CDH4: variants seen among roughly 807,000 people sequenced by gnomAD.
CDH4 encodes the protein cadherin 4.
In CDH4, 33 loss-of-function variants were observed where a neutral mutation model predicts 86.0. The observed-to-expected ratio is 0.38, with a 90% CI of 0.29 to 0.51. CDH4 has a LOEUF of 0.51. Among genes scored for constraint, CDH4 ranks in the 20% least tolerant of loss-of-function variants. The pLI is 0.86. For missense variants in CDH4, 1,114 were observed against 1,307.4 expected (o/e 0.85, Z 2.28); for synonymous variants, 555 against 549.4 (o/e 1.01, Z -0.14).
At chr20:61,936,100 G>A (rs941651546) in intron 15 of CDH4, among the ~76,000 whole-genome samples, 11 of 151,994 alleles carry the variant, frequency 7.2e-5, no homozygotes, top group Non-Finnish European at 1.0e-4. Flanking sequence ...AAGCTTGTCC[G>A]TGGGAGTGCC....
intron 2 of CDH4, among the ~76,000 whole-genome samples, chr20:61,557,973 G>T (rs1341942308): frequency 1.3e-5 from 2 of 152,134 alleles, no homozygotes; most frequent in Non-Finnish European, 2.9e-5. Flanking sequence ...ACAATAAAAT[G>T]GTTCTTGTAG....
chr20:61,811,353 C>G lies in CDH4; in HGVS notation c.577-33315C>G, dbSNP rs1980426631. Among the ~76,000 whole-genome samples the G allele has an allele frequency of 6.6e-6, 1 of 152,220 alleles. No homozygotes were observed. Among genetic ancestry groups the G allele is most frequent in the Admixed American group, 6.5e-5 (1 of 15,288 alleles). ...GTGGGAATGAAATGCCCCTTCCCGG[C>G]TTACACAGACACAGCCCAGGAGAAA... is the stretch of plus-strand genomic sequence containing the variant. On this transcript the variant is annotated intron_variant, in intron 4 of 15. Coordinates refer to ENST00000614565, the MANE Select transcript of CDH4 (RefSeq NM_001794.5). This position sits in a 1 kb window ranked among gnomAD's most constrained non-coding sequence, Gnocchi z 4.4.
At chr20:61,699,868 A>G (rs1482466984) in intron 2 of CDH4, among the ~76,000 whole-genome samples, 1 of 152,220 alleles carries the variant, frequency 6.6e-6, no homozygotes, top group Non-Finnish European at 1.5e-5. Flanking sequence ...CCAAGGGCTC[A>G]GCTGCATGGG....
chr20:61,648,306 G>A (rs1005908433), intron 2 of CDH4, among the ~76,000 whole-genome samples: 9 of 152,182 alleles, frequency 5.9e-5, no homozygotes, highest in African/African-American at 2.2e-4. Context: ...GGTTGGAGAG[G>A]CACCCGCAGC....
intron 4 of CDH4, among the ~76,000 whole-genome samples, chr20:61,784,608 A>G (rs1427357532): frequency 1.4e-5 from 1 of 71,522 alleles, no homozygotes; most frequent in African/African-American, 6.5e-5. Context: ...AGGCCCTCCG[A>G]TATCCTGTGC....
At chr20:61,636,749 C>T (rs1053384457) in intron 2 of CDH4, among the ~76,000 whole-genome samples, 3 of 152,348 alleles carry the variant, frequency 2.0e-5, no homozygotes, top group Non-Finnish European at 2.9e-5. Flanking sequence ...ACTCCTGAGT[C>T]GCTCCGTCAC....
intron 4 of CDH4, among the ~76,000 whole-genome samples, chr20:61,819,377 C>T (rs1385272213): frequency 6.6e-6 from 1 of 150,936 alleles, no homozygotes; most frequent in Non-Finnish European, 1.5e-5. Flanking sequence ...ACGCGTCGCT[C>T]GCTCTGCCCC....
At chr20:61,376,653 T>A (rs1236689205) in intron 2 of CDH4, among the ~76,000 whole-genome samples, 2 of 152,170 alleles carry the variant, frequency 1.3e-5, no homozygotes, top group Non-Finnish European at 2.9e-5. Flanking sequence ...TTCTCCCCCA[T>A]GGCATATGGT....
intron 2 of CDH4, among the ~76,000 whole-genome samples, chr20:61,430,687 CCTT>C (rs1439999785): frequency 6.6e-6 from 1 of 152,210 alleles, no homozygotes; most frequent in Non-Finnish European, 1.5e-5. Context: ...CTGCTTCCCT[CCTT>C]ATTACCTGCT....
chr20:61,698,129 C>A (rs547375667), intron 2 of CDH4, among the ~76,000 whole-genome samples: 1 of 152,228 alleles, frequency 6.6e-6, no homozygotes, highest in Admixed American at 6.5e-5. Flanking sequence ...AGACCTGGCA[C>A]GTGTCGTCCA....
intron 6 of CDH4, among the ~76,000 whole-genome samples, chr20:61,861,536 G>A (rs1340975667): frequency 3.3e-5 from 5 of 151,948 alleles, no homozygotes; most frequent in Admixed American, 1.3e-4. Flanking sequence ...CCCCTTCCCC[G>A]CCTGTGCGTT....
intron 2 of CDH4, among the ~76,000 whole-genome samples, chr20:61,613,496 A>G (rs944257777): frequency 2.0e-5 from 3 of 151,488 alleles, no homozygotes; most frequent in Non-Finnish European, 4.4e-5. Flanking sequence ...CTTTTCTTCT[A>G]TCACCTCCAC....
At position 61,772,241 on chromosome 20, in the gene CDH4, C is replaced by T. The variant is rs561610599; in HGVS notation, c.397-762C>T. ...TTTTGTACATACACACAGGTGGGGTCCAAGGCCAAATCCCACACCCTCAGC... is the reference window on the plus strand; with the variant it reads ...TTTTGTACATACACACAGGTGGGGTTCAAGGCCAAATCCCACACCCTCAGC... On this transcript the variant is annotated intron_variant, in intron 3 of 15. Transcript: ENST00000614565. Among the ~76,000 whole-genome samples the T allele has an allele frequency of 4.1e-4, 62 of 152,304 alleles. 1 individual carries two copies. Among genetic ancestry groups the T allele is most frequent in the Admixed American group, 3.7e-3 (57 of 15,308 alleles).
At chr20:61,770,751 C>T (rs2023282) in intron 3 of CDH4, among the ~76,000 whole-genome samples, 59,934 of 151,716 alleles carry the variant, frequency 0.4, 13,249 homozygotes, top group East Asian at 0.85. Context: ...GGCGTGGTGG[C>T]GGGCGCCTGT....
intron 2 of CDH4, among the ~76,000 whole-genome samples, chr20:61,391,318 G>A (rs1036808323): frequency 1.4e-4 from 21 of 152,142 alleles, no homozygotes; most frequent in African/African-American, 4.6e-4. Flanking sequence ...GGCTGGGTCC[G>A]GACTTGCTAA....
At chr20:61,897,720 A>G (rs1004588460) in intron 8 of CDH4, among the ~76,000 whole-genome samples, 2 of 152,328 alleles carry the variant, frequency 1.3e-5, no homozygotes, top group African/African-American at 4.8e-5. Flanking sequence ...CCAATGGCTA[A>G]GCACAGGCTA....
intron 3 of CDH4, among the ~76,000 whole-genome samples, chr20:61,770,986 C>T (rs2088768472): frequency 6.8e-6 from 1 of 147,040 alleles, no homozygotes; most frequent in African/African-American, 2.5e-5. Context: ...CATGTATTTT[C>T]TTACATTTCT....
chr20:61,310,658 G>A (rs1323995530), intron 2 of CDH4, among the ~76,000 whole-genome samples: 1 of 152,078 alleles, frequency 6.6e-6, no homozygotes, highest in Non-Finnish European at 1.5e-5. Context: ...CCGGGGTTGG[G>A]TACCCGCAGC....
intron 2 of CDH4, among the ~76,000 whole-genome samples, chr20:61,552,357 CAT>C (rs2086138722): frequency 1.3e-5 from 2 of 152,196 alleles, no homozygotes; most frequent in Admixed American, 1.3e-4. Context: ...CCAATAAACA[CAT>C]AAAATCTGTG....
Sources: gnomAD v4.1 joint callset for allele counts (sites outside exome capture counted in the v4.1 genomes callset) on GRCh38, gnomAD v4.1.1 for gene constraint, Gnocchi (gnomAD v3.1) non-coding constraint, MANE v1.5 for transcripts, NCBI Gene and HGNC (gene_info 2026-07-23, HGNC 2026-07-21) for gene names.